CDHR1: variants seen among roughly 807,000 people sequenced by gnomAD.
CDHR1 encodes the protein cadherin-related family member 1.
A neutral mutation model predicts 72.1 loss-of-function variants in CDHR1; 61 were observed. The ratio of observed to expected loss-of-function variants is 0.85; its 90% confidence interval spans 0.69 to 1.05. The LOEUF (loss-of-function observed/expected upper bound fraction) is 1.05, where lower values mean the gene tolerates loss of function less well. CDHR1 is among the 50% of genes least tolerant of loss of function. CDHR1 has a pLI of 0.00. For synonymous variants in CDHR1, 470 were observed against 448.1 expected (o/e 1.05, Z -0.62); for missense variants, 1,186 against 1,115.7 (o/e 1.06, Z -0.90).
In CDHR1 at chr10:84,208,824, C is replaced by T; in HGVS notation, c.1263C>T (p.Ile421=). The T allele has an allele frequency of 6.2e-7, 1 of 1,614,188 alleles. No individual in the cohort carries two copies. The highest frequency in any genetic ancestry group is 8.5e-7 in the Non-Finnish European group (1 of 1,180,022). Residue 421 remains isoleucine (I), a synonymous_variant, in exon 12 of 17, where the codon ATC becomes ATT. Transcript: ENST00000623527. ...TCCTGAATGAAGCCCAAGTCACAAT[C>T]ATTGTGGAGAACTCAGCTGCCATTG... ...QTVLNEAQVT[I]IVENSAAIDF...
At position 84,195,622 on chromosome 10, in the gene CDHR1, C is replaced by G; in HGVS notation, c.151+33C>G. ...GCCCTGGCACCTGCTCCCGATAGGT[C>G]TCCCTGAGGGGTGCAGGCAGACTTA... On this transcript the variant is annotated intron_variant, in intron 2 of 16. Transcript: ENST00000623527. 3 of 1,564,790 alleles carry G rather than the reference C, an allele frequency of 1.9e-6. 1 individual carries two copies. The South Asian group carries it at 3.3e-5, about 17-fold the overall frequency.
chr10:84,211,504 G>A, intron 13 of CDHR1, 144 bp from the exon 14 acceptor site: 1 of 746,600 alleles, frequency 1.3e-6, no homozygotes, highest in South Asian at 1.6e-5. Context: ...AGGGATCCCG[G>A]GCAGGTCTCT....
At position 84,205,913 on chromosome 10, in the gene CDHR1, G is replaced by A; in HGVS notation, c.949G>A (p.Glu317Lys). 6.2e-7 allele frequency: 1 copy of A among 1,613,528 alleles called. No homozygotes were observed. The highest frequency in any genetic ancestry group is 2.2e-5 in the East Asian group (1 of 44,878). The change falls in exon 10 of 17, where the codon GAG (glutamate) becomes AAG (lysine). Residue 317 changes from glutamate (E) to lysine (K), a missense_variant. Coordinates refer to ENST00000623527, the MANE Select transcript of CDHR1 (RefSeq NM_033100.4). ...GGCCCAGCTCCAGAGAGAGGTGTAT[G>A]AGCTGCATGTACAGGTACCCTCCCT... ...SPAQLQREVY[E>K]LHVQVTEMSP...
rs1059341 is a variant in CDHR1 at position 84,217,209 on chromosome 10, A to C, written c.*2588A>C. 0.49 allele frequency: 481,954 copies of C among 985,332 alleles called. 120,683 individuals are homozygous for C. Among genetic ancestry groups the C allele is most frequent in the African/African-American group, 0.79 (45,102 of 57,324 alleles). 61.0% of individuals were successfully genotyped at this position (985,332 alleles called of 1,614,324 possible). A position where few individuals can be genotyped will look rare whatever the true frequency, so the allele number is the denominator to read the frequency against. ...ATGGTGGGCCAAGGGGCTGTCTGCT[A>C]GGTCCCAGTAGGACAGGCAGAGCTC... is the stretch of plus-strand genomic sequence containing the variant. On this transcript the variant is annotated 3_prime_UTR_variant, in exon 17 of 17. Transcript: ENST00000623527.
At chr10:84,194,924 C>A (rs929631341) in intron 1 of CDHR1, 109 bp downstream of exon 1, 15 of 1,074,174 alleles carry the variant, frequency 1.4e-5, no homozygotes, top group African/African-American at 9.4e-5. Flanking sequence ...CAGAGTGGGA[C>A]TCGGGCTGGT....
Position 84,216,326 on chromosome 10 carries a change from C to G in CDHR1, c.*1705C>G. 1.0e-6 allele frequency: 1 copy of G among 985,426 alleles called. No homozygotes were observed. Among genetic ancestry groups the G allele is most frequent in the Non-Finnish European group, 1.2e-6 (1 of 829,926 alleles). The allele number at this position is 985,426 out of a possible 1,614,324, so 61.0% of individuals were successfully genotyped here. ...TCCTTGCTGGGGTTTCTACAGTCCC[C>G]AACGTGAACAGTATTAAGCAAGAGG... On this transcript the variant is annotated 3_prime_UTR_variant, in exon 17 of 17. Transcript: ENST00000623527.
intron 14 of CDHR1, 51 bp from the exon 15 acceptor site, chr10:84,212,128 C>A (rs767564625): frequency 3.3e-5 from 48 of 1,464,460 alleles, no homozygotes; most frequent in Non-Finnish European, 4.4e-5. Flanking sequence ...TGTATGTATG[C>A]ACATATGTGT....
At chr10:84,197,676 G>T (rs1298956514) in intron 3 of CDHR1, 110 bp from the exon 4 acceptor site, 3 of 1,015,242 alleles carry the variant, frequency 3.0e-6, no homozygotes, top group Middle Eastern at 2.2e-4. Context: ...CTATTGGCAC[G>T]CCCAGACCTC....
Position 84,194,544 on chromosome 10 carries a change from G to C in CDHR1, c.-217G>C, listed in dbSNP as rs1416588246. On this transcript the variant is annotated 5_prime_UTR_variant, in exon 1 of 17. Coordinates refer to ENST00000623527, the MANE Select transcript of CDHR1 (RefSeq NM_033100.4). The stretch of plus-strand genomic sequence containing the variant: ...GTCGCTCCGCTCTGCGCCGCTAATT[G>C]GTCTCGTCAGGCGGCCGGCAGGAGC... 10 of 450,496 alleles carry C rather than the reference G, an allele frequency of 2.2e-5. No individual in the cohort carries two copies. The East Asian group carries it at 3.8e-4, about 17-fold the overall frequency. The allele number at this position is 450,496 out of a possible 1,614,324, so 27.9% of individuals were successfully genotyped here.
chr10:84,203,263 C>A, intron 8 of CDHR1, 140 bp downstream of exon 8: 1 of 1,093,484 alleles, frequency 9.1e-7, no homozygotes, highest in Non-Finnish European at 1.4e-6. Context: ...CTGGACTCAC[C>A]CAGCCTCAGG....
In CDHR1 at chr10:84,197,794, T is replaced by A. The variant is rs1408470821; in HGVS notation, c.306T>A (p.Asp102Glu). 1 of 1,613,648 alleles carries A rather than the reference T, an allele frequency of 6.2e-7. No homozygotes were observed. Among genetic ancestry groups the A allele is most frequent in the Non-Finnish European group, 8.5e-7 (1 of 1,179,608 alleles). ...LVEELDRERE[D>E]EIEAIISISD... ...GTCCCTGTGCTTCACAGAGGGAAGA[T>A]GAGATTGAAGCCATCATCAGCATTT... is the stretch of plus-strand genomic sequence containing the variant. Residue 102 changes from aspartate to glutamate, a missense_variant, in exon 4 of 17, where the codon GAT (aspartate) becomes GAA (glutamate). Physicochemically the swap from Asp to Glu is conservative, Grantham distance 45. Transcript: ENST00000623527.
At chr10:84,201,993 G>C (rs188744482) in intron 7 of CDHR1, 73 bp downstream of exon 7, 3 of 1,129,752 alleles carry the variant, frequency 2.7e-6, no homozygotes, top group Admixed American at 3.8e-5. Context: ...GGTTCTACAG[G>C]GGAGTGGGAG....
At chr10:84,209,775 T>C (rs1842295904) in intron 12 of CDHR1, among the ~76,000 whole-genome samples, 1 of 152,182 alleles carries the variant, frequency 6.6e-6, no homozygotes. Flanking sequence ...AATTATCTTT[T>C]ACAATAACAA....
In CDHR1 at chr10:84,214,610, G is replaced by T. The variant is rs775515452; in HGVS notation, c.2569G>T (p.Ala857Ser). 1.3e-6 allele frequency: 2 copies of T among 1,599,788 alleles called. No homozygotes were observed. The highest frequency in any genetic ancestry group is 1.7e-6 in the Non-Finnish European group (2 of 1,179,922). Residue 857 changes from alanine to serine, a missense_variant, in exon 17 of 17, where the codon GCT becomes TCT. Coordinates refer to ENST00000623527, the MANE Select transcript of CDHR1 (RefSeq NM_033100.4). ...KFEKKSVHNKAYF is the reference protein window; with the variant it reads ...KFEKKSVHNKSYF Reference sequence around the variant, plus strand: ...TGAGAAGAAGAGTGTGCACAACAAGGCTTACTTCTAGTGTATGCCCTATGA... The same window carrying T: ...TGAGAAGAAGAGTGTGCACAACAAGTCTTACTTCTAGTGTATGCCCTATGA...
chr10:84,213,916 G>A (rs1397826227), intron 16 of CDHR1, among the ~76,000 whole-genome samples, 166 bp from the exon 17 acceptor site: 1 of 152,202 alleles, frequency 6.6e-6, no homozygotes, highest in Non-Finnish European at 1.5e-5. Context: ...TGCTCTCTCT[G>A]TGTGCATTTT....
chr10:84,204,640 ACT>A, intron 9 of CDHR1, 35 bp downstream of exon 9: 1 of 1,439,914 alleles, frequency 6.9e-7, no homozygotes, highest in Non-Finnish European at 9.8e-7. Context: ...TGCAGCTTTG[ACT>A]CTCTAGGTGA....
intron 11 of CDHR1, 103 bp from the exon 12 acceptor site, chr10:84,208,626 T>C (rs1263449576): frequency 3.2e-6 from 4 of 1,248,572 alleles, no homozygotes; most frequent in Non-Finnish European, 4.6e-6. Context: ...ACTCTCTTAA[T>C]AATATCTCCC....
At chr10:84,206,133 G>C (rs562120518) in intron 10 of CDHR1, among the ~76,000 whole-genome samples, 1 of 152,298 alleles carries the variant, frequency 6.6e-6, no homozygotes, top group Non-Finnish European at 1.5e-5. Flanking sequence ...AGCAATGCCT[G>C]AGCATGGGTG....
chr10:84,218,198 G>A lies in CDHR1; in HGVS notation c.*3577G>A. Reference sequence around the variant, plus strand: ...AGGAGACTGGCATGTGCCACATGGAGGACCCCTTAGGAAACTCACAAACAA... The same window carrying A: ...AGGAGACTGGCATGTGCCACATGGAAGACCCCTTAGGAAACTCACAAACAA... On this transcript the variant is annotated 3_prime_UTR_variant, in exon 17 of 17. Transcript: ENST00000623527. The A allele has an allele frequency of 5.1e-6, 5 of 985,452 alleles. No homozygotes were observed. The highest frequency in any genetic ancestry group is 6.0e-6 in the Non-Finnish European group (5 of 829,942). 61.0% of individuals were successfully genotyped at this position (985,452 alleles called of 1,614,324 possible).
Sources: gnomAD v4.1 joint callset for allele counts (sites outside exome capture counted in the v4.1 genomes callset) on GRCh38, gnomAD v4.1.1 for gene constraint, MANE v1.5 for transcripts, NCBI Gene and HGNC (gene_info 2026-07-23, HGNC 2026-07-21) for gene names.